Variants in ESR1 observed in about 807,000 individuals in gnomAD.
ESR1 encodes estrogen receptor.
ESR1 carries 12 observed loss-of-function variants against 52.7 expected under a neutral mutation model. The observed-to-expected ratio is 0.23, with a 90% CI of 0.15 to 0.37. The LOEUF (loss-of-function observed/expected upper bound fraction) is 0.37. ESR1 is among the 10% of genes least tolerant of loss of function. The pLI is 1.00. For synonymous variants in ESR1, 305 were observed against 316.8 expected, an observed-to-expected ratio of 0.96 and a Z score of 0.39; for missense variants, 584 against 779.7, an observed-to-expected ratio of 0.75 and a Z score of 2.99.
chr6:151,810,832 C>T (rs1211747826), intron 1 of ESR1, among the ~76,000 whole-genome samples: 1 of 152,082 alleles, frequency 6.6e-6, no homozygotes, highest in Admixed American at 6.6e-5. Flanking sequence ...AGCTAATGGC[C>T]TAAAATATTA....
chr6:152,118,373 G>C (rs968933891), intron 6 of ESR1: 1 of 152,156 alleles, frequency 6.6e-6, no homozygotes, highest in Non-Finnish European at 1.5e-5. Flanking sequence ...ATCAATGATA[G>C]ACTGGATAAA....
intron 2 of ESR1, among the ~76,000 whole-genome samples, chr6:151,865,583 G>A (rs1208718222): frequency 1.3e-5 from 2 of 152,184 alleles, no homozygotes; most frequent in East Asian, 3.9e-4. Flanking sequence ...TTTGAAAGCA[G>A]TAAAAAGATC....
At position 151,843,452 on chromosome 6, in the gene ESR1, G is replaced by A. The variant is rs9340810; in HGVS notation, c.643+665G>A. 1.5e-4 allele frequency among the ~76,000 whole-genome samples: 23 copies of A among 152,112 alleles called. No individual in the cohort carries two copies. In the East Asian group the frequency reaches 4.1e-3, roughly 27 times the overall value. Reference sequence around the variant, plus strand: ...AGTTTGCCAATTATAGCTAATATACGGAGAGCTATACTTTATTTCTACTCC... The same window carrying A: ...AGTTTGCCAATTATAGCTAATATACAGAGAGCTATACTTTATTTCTACTCC... On this transcript the variant is annotated intron_variant, in intron 2 of 7. Transcript: ENST00000206249.
chr6:151,963,479 A>C (rs2037907246), intron 4 of ESR1, among the ~76,000 whole-genome samples: 1 of 152,242 alleles, frequency 6.6e-6, no homozygotes, highest in African/African-American at 2.4e-5. Context: ...CTTTCTCAAG[A>C]AAATGAAACT....
chr6:151,699,788 A>G (rs1430804819), intron 1 of ESR1, among the ~76,000 whole-genome samples: 4 of 152,182 alleles, frequency 2.6e-5, no homozygotes, highest in African/African-American at 9.7e-5. Flanking sequence ...GTTCTGAGAG[A>G]TCAAAGGAAA....
intron 2 of ESR1, among the ~76,000 whole-genome samples, chr6:151,781,736 T>C (rs533461167): frequency 1.3e-5 from 2 of 152,028 alleles, no homozygotes; most frequent in Admixed American, 1.3e-4. Flanking sequence ...TTTTATTTAA[T>C]GAGGCAGAAT....
chr6:152,063,086 T>C (rs1284319149), intron 6 of ESR1, among the ~76,000 whole-genome samples: 1 of 152,136 alleles, frequency 6.6e-6, no homozygotes, highest in Non-Finnish European at 1.5e-5. Flanking sequence ...CACCCAAACC[T>C]CAAGACTATA....
At chr6:151,803,372 C>T (rs760558476), upstream of ESR1, among the ~76,000 whole-genome samples, 2 of 152,132 alleles carry the variant, frequency 1.3e-5, no homozygotes, top group Admixed American at 6.5e-5. Flanking sequence ...AAGAGGCATG[C>T]TTTCCCCTGA....
At chr6:151,871,331 A>ATT (rs1246863456) in intron 2 of ESR1, among the ~76,000 whole-genome samples, 1 of 152,176 alleles carries the variant, frequency 6.6e-6, no homozygotes, top group Non-Finnish European at 1.5e-5. Context: ...GTTCAGTGGC[A>ATT]TTGAGTACAT....
chr6:151,938,904 C>T (rs1409219548), intron 3 of ESR1, among the ~76,000 whole-genome samples: 3 of 152,228 alleles, frequency 2.0e-5, no homozygotes, highest in South Asian at 4.1e-4. Flanking sequence ...CTTGGTATCT[C>T]GATCCCTTAT....
intron 3 of ESR1, among the ~76,000 whole-genome samples, chr6:151,906,159 A>T (rs1328039847): frequency 6.6e-6 from 1 of 152,172 alleles, no homozygotes; most frequent in East Asian, 1.9e-4. Context: ...GAACTATGAG[A>T]TATTTAAAAA....
At chr6:151,708,932 T>G (rs1224980770) in intron 2 of ESR1, among the ~76,000 whole-genome samples, 7 of 152,220 alleles carry the variant, frequency 4.6e-5, no homozygotes, top group African/African-American at 1.4e-4. Flanking sequence ...ATATAGCTAA[T>G]TAACATGTGC....
At chr6:152,034,203 G>T (rs1329196575) in intron 5 of ESR1, among the ~76,000 whole-genome samples, 7 of 151,798 alleles carry the variant, frequency 4.6e-5, no homozygotes. Context: ...ACGAGTTAAT[G>T]GGTGCAGCAC....
At chr6:152,035,568 A>G (rs1301255432) in intron 5 of ESR1, among the ~76,000 whole-genome samples, 5 of 152,170 alleles carry the variant, frequency 3.3e-5, no homozygotes, top group Admixed American at 2.6e-4. Flanking sequence ...TTTAAAATGT[A>G]TATGGAAAAG....
At chr6:151,829,437 G>A (rs1371916530) in intron 1 of ESR1, among the ~76,000 whole-genome samples, 1 of 151,736 alleles carries the variant, frequency 6.6e-6, no homozygotes, top group African/African-American at 2.4e-5. Context: ...TTTTTTTGTG[G>A]GAAAATCATT....
intron 1 of ESR1, among the ~76,000 whole-genome samples, chr6:151,665,804 G>A (rs1777802426): frequency 1.3e-5 from 2 of 152,198 alleles, no homozygotes; most frequent in African/African-American, 4.8e-5. Context: ...TTTCTCTTAG[G>A]AATATAGAGA....
intron 4 of ESR1, among the ~76,000 whole-genome samples, chr6:152,008,973 A>T (rs2042552700): frequency 6.6e-6 from 1 of 152,050 alleles, no homozygotes; most frequent in African/African-American, 2.4e-5. Flanking sequence ...ATCCTATGAG[A>T]TCGTGGGTAT....
At chr6:152,082,353 G>A (rs2049300261) in intron 6 of ESR1, among the ~76,000 whole-genome samples, 1 of 152,134 alleles carries the variant, frequency 6.6e-6, no homozygotes, top group Non-Finnish European at 1.5e-5. Flanking sequence ...CAGAACCAAT[G>A]ACAAAAACCA....
chr6:151,909,142 G>C (rs1797875274), intron 3 of ESR1, among the ~76,000 whole-genome samples: 1 of 152,226 alleles, frequency 6.6e-6, no homozygotes, highest in Non-Finnish European at 1.5e-5. Flanking sequence ...CTTAGAGACG[G>C]TTAGCTTAGC....
Sources: gnomAD v4.1 joint callset for allele counts (sites outside exome capture counted in the v4.1 genomes callset) on GRCh38, gnomAD v4.1.1 for gene constraint, MANE v1.5 for transcripts, NCBI Gene and HGNC (gene_info 2026-07-23, HGNC 2026-07-21) for gene names.